Variants in MAP1A observed in about 807,000 individuals in gnomAD.
The protein encoded by MAP1A is microtubule-associated protein 1A.
Under a neutral mutation model 185.9 loss-of-function variants are expected in MAP1A, and 42 were observed. That is an observed-to-expected ratio of 0.23 (90% CI 0.18 to 0.29). The LOEUF is 0.29. Among genes scored for constraint, MAP1A ranks in the 10% least tolerant of loss-of-function variants. MAP1A has a pLI of 1.00. For missense variants in MAP1A, 2,995 were observed against 3,450.4 expected (o/e 0.87, Z 3.31); for synonymous variants, 1,229 against 1,335.9 (o/e 0.92, Z 1.74).
Position 43,529,941 on chromosome 15 carries a change from C to A in MAP1A, c.8256+71C>A. 1 of 1,561,582 alleles carries A rather than the reference C, an allele frequency of 6.4e-7. No homozygotes were observed. Among genetic ancestry groups the A allele is most frequent in the South Asian group, 1.1e-5 (1 of 88,888 alleles). On this transcript the variant is annotated intron_variant, in intron 5 of 5. Coordinates refer to ENST00000300231, the MANE Select transcript of MAP1A (RefSeq NM_002373.6). This position sits in a 1 kb window ranked among gnomAD's most constrained non-coding sequence, Gnocchi z 4.3. ...TCAGAGGCAGTAGTGGAACACAGTCCCTATTTATTAAAGGATGGGCCTTTT... is the reference window on the plus strand; with the variant it reads ...TCAGAGGCAGTAGTGGAACACAGTCACTATTTATTAAAGGATGGGCCTTTT...
rs186025709 is a variant in MAP1A, at chr15:43,524,707, C to G, written c.3234C>G (p.Asn1078Lys). 2.3e-4 allele frequency: 365 copies of G among 1,614,100 alleles called. 2 individuals carry two copies. The African/African-American group carries it at 3.7e-3, about 16-fold the overall frequency. Reference sequence around the variant, plus strand: ...CCCAGGCCCAGGAAGCACCTGTCAACATTGATGAGGGGCTTACAGGCTGTA... The same window carrying G: ...CCCAGGCCCAGGAAGCACCTGTCAAGATTGATGAGGGGCTTACAGGCTGTA... ...RSPQAQEAPV[N>K]IDEGLTGCTI... The change falls in exon 4 of 6, where the codon AAC (asparagine) becomes AAG (lysine). Residue 1078 changes from asparagine (N) to lysine (K), a missense_variant. Physicochemically the swap from Asn to Lys is moderately conservative, Grantham distance 94 (BLOSUM62 0). This residue lies in a region of MAP1A where 2,728 missense variants were observed against 2,986.0 expected (regional missense o/e 0.91). Transcript: ENST00000300231.
chr15:43,520,805 C>T, intron 2 of MAP1A, 82 bp downstream of exon 2: 11 of 1,344,202 alleles, frequency 8.2e-6, no homozygotes, highest in Non-Finnish European at 1.1e-5. Context: ...ACTATTAGGC[C>T]AAGAATTCCT....
At chr15:43,511,660 C>T (rs2079279304) in intron 1 of MAP1A, among the ~76,000 whole-genome samples, 1 of 152,224 alleles carries the variant, frequency 6.6e-6, no homozygotes, top group South Asian at 2.1e-4. Flanking sequence ...ATGCCAGTAG[C>T]CAACCACTAA....
chr15:43,512,511 T>G (rs1055292223), intron 2 of MAP1A, among the ~76,000 whole-genome samples: 2 of 152,210 alleles, frequency 1.3e-5, no homozygotes, highest in African/African-American at 4.8e-5. Flanking sequence ...TAACTTCTCC[T>G]TGAGAAGAGG....
Position 43,521,637 on chromosome 15 carries a change from T to G in MAP1A, c.164T>G (p.Val55Gly). ...GGRGDSALFA[V>G]NGFNILVDGG... ...CGTGGGGACTCTGCCCTCTTTGCTG[T>G]CAATGGTTTCAACATCCTGGTGGAT... is the stretch of plus-strand genomic sequence containing the variant. Residue 55 changes from valine to glycine, a missense_variant, in exon 4 of 6, where the codon GTC becomes GGC. Transcript: ENST00000300231. This position sits in a 1 kb window ranked among gnomAD's most constrained non-coding sequence, Gnocchi z 4.6. 1.2e-6 allele frequency: 2 copies of G among 1,614,110 alleles called. No individual in the cohort carries two copies. The highest frequency in any genetic ancestry group is 1.7e-5 in the Admixed American group (1 of 60,020).
rs148851436 is a variant in MAP1A, at chr15:43,525,606, AGGT to A, written c.4137_4139del (p.Val1380del). On this transcript the variant is annotated inframe_deletion, in exon 4 of 6. Coordinates refer to ENST00000300231, the MANE Select transcript of MAP1A (RefSeq NM_002373.6). Reference sequence around the variant, plus strand: ...AAAGACAAAACTCTGGAGCACAAGGAGGTGGTAGAGCCGAAGGATACAGCCATC... The same window carrying A: ...AAAGACAAAACTCTGGAGCACAAGGAGGTAGAGCCGAAGGATACAGCCATC... The A allele has an allele frequency of 6.5e-3, 10,527 of 1,614,230 alleles. 189 individuals carry two copies. Among genetic ancestry groups the A allele is most frequent in the East Asian group, 0.06 (2,704 of 44,886 alleles).
chr15:43,529,794 C>T lies in MAP1A; in HGVS notation c.8180C>T (p.Pro2727Leu). 2 of 1,614,142 alleles carry T rather than the reference C, an allele frequency of 1.2e-6. No individual in the cohort carries two copies. The highest frequency in any genetic ancestry group is 1.7e-6 in the Non-Finnish European group (2 of 1,180,042). Residue 2727 changes from proline to leucine, a missense_variant, in exon 5 of 6, where the codon CCT becomes CTT. Around this residue, in one of 3 missense-constraint regions of MAP1A, gnomAD observed 2,728 missense variants for 2,986.0 expected, o/e 0.91. Transcript: ENST00000300231. This position sits in a 1 kb window ranked among gnomAD's most constrained non-coding sequence, Gnocchi z 4.3. The part of the protein sequence containing the change: ...ASYYVVSGND[P>L]ANGEPSRAVL... ...TACTATGTGGTCAGTGGGAATGACC[C>T]TGCCAATGGCGAGCCAAGCCGGGCT...
chr15:43,516,054 C>G (rs928866720), upstream of MAP1A, among the ~76,000 whole-genome samples: 11 of 152,130 alleles, frequency 7.2e-5, no homozygotes, highest in Non-Finnish European at 1.3e-4. Context: ...TTAAGTTTCC[C>G]TCCTAACACA....
chr15:43,511,082 C>CAG lies in MAP1A; in HGVS notation c.96_97dup (p.Asn33ArgfsTer27). ...CCGAAGTCCCGGCGCACCGCTGGCT[C>CAG]AGAACCCCGCGGAGCTGCTGTGCGA... is the stretch of plus-strand genomic sequence containing the variant. On this transcript the variant is annotated frameshift_variant, in exon 1 of 7. Coordinates refer to the MAP1A transcript ENST00000382031. LOFTEE classifies it high-confidence loss of function. The CAG allele has an allele frequency of 1.3e-6, 2 of 1,550,082 alleles. No individual in the cohort carries two copies. Among genetic ancestry groups the CAG allele is most frequent in the Non-Finnish European group, 1.7e-6 (2 of 1,146,774 alleles).
Position 43,521,802 on chromosome 15 carries a change from A to G in MAP1A, c.329A>G (p.Glu110Gly). The change falls in exon 4 of 6, where the codon GAG becomes GGG. Residue 110 changes from glutamate (E) to glycine (G), a missense_variant. Around this residue, in one of 3 missense-constraint regions of MAP1A, gnomAD observed 264 missense variants for 435.3 expected, o/e 0.61. Coordinates refer to ENST00000300231, the MANE Select transcript of MAP1A (RefSeq NM_002373.6). This position sits in a 1 kb window ranked among gnomAD's most constrained non-coding sequence, Gnocchi z 4.6. ...GLLQRKVAEL[E>G]EEQSQGSSSY... Reference sequence around the variant, plus strand: ...CTGCAGCGCAAAGTGGCAGAGCTAGAGGAGGAGCAGTCCCAGGGCTCTAGC... The same window carrying G: ...CTGCAGCGCAAAGTGGCAGAGCTAGGGGAGGAGCAGTCCCAGGGCTCTAGC... 1 of 1,614,214 alleles carries G rather than the reference A, an allele frequency of 6.2e-7. No homozygotes were observed. Among genetic ancestry groups the G allele is most frequent in the Non-Finnish European group, 8.5e-7 (1 of 1,180,034 alleles).
At position 43,521,067 on chromosome 15, in the gene MAP1A, C is replaced by T. The variant is rs752114294; in HGVS notation, c.-196C>T. 2 of 1,550,096 alleles carry T rather than the reference C, an allele frequency of 1.3e-6. No homozygotes were observed. The highest frequency in any genetic ancestry group is 1.2e-5 in the South Asian group (1 of 84,062). Reference sequence around the variant, plus strand: ...GGGGAGACCTCATCCTACAGAGTGGCACCTACTCATATGAAAACTTTGCCC... The same window carrying T: ...GGGGAGACCTCATCCTACAGAGTGGTACCTACTCATATGAAAACTTTGCCC... On this transcript the variant is annotated 5_prime_UTR_variant, in exon 3 of 6. Transcript: ENST00000300231. The surrounding 1 kb of genome is among the most constrained non-coding windows in gnomAD (Gnocchi z 4.6).
upstream of MAP1A, among the ~76,000 whole-genome samples, chr15:43,514,886 G>A (rs1322128249): frequency 6.6e-6 from 1 of 152,172 alleles, no homozygotes; most frequent in Non-Finnish European, 1.5e-5. Flanking sequence ...GGAAATAGAA[G>A]GGGGCTTATA....
In MAP1A at chr15:43,521,437, G is replaced by A; in HGVS notation, c.-37G>A. 1 of 1,614,090 alleles carries A rather than the reference G, an allele frequency of 6.2e-7. No individual in the cohort carries two copies. Among genetic ancestry groups the A allele is most frequent in the East Asian group, 2.2e-5 (1 of 44,882 alleles). ...GATTATCCAGTTCCCAAGAGACCCT[G>A]CACCTCCGGCTAAACCCTGAGCCCA... On this transcript the variant is annotated 5_prime_UTR_variant, in exon 4 of 6. Transcript: ENST00000300231. This position sits in a 1 kb window ranked among gnomAD's most constrained non-coding sequence, Gnocchi z 4.6.
At position 43,523,395 on chromosome 15, in the gene MAP1A, G is replaced by A; in HGVS notation, c.1922G>A (p.Arg641Lys). 1 of 1,612,682 alleles carries A rather than the reference G, an allele frequency of 6.2e-7. No individual in the cohort carries two copies. Among genetic ancestry groups the A allele is most frequent in the Non-Finnish European group, 8.5e-7 (1 of 1,179,250 alleles). ...AERLPDRTEA[R>K]EESEPEVKED... Reference sequence around the variant, plus strand: ...AGGCTCCCAGACAGAACAGAAGCCAGAGAGGAAAGTGAACCTGAAGTAAAG... The same window carrying A: ...AGGCTCCCAGACAGAACAGAAGCCAAAGAGGAAAGTGAACCTGAAGTAAAG... Residue 641 changes from arginine (R) to lysine (K), a missense_variant, in exon 4 of 6, where the codon AGA (arginine) becomes AAA (lysine). Transcript: ENST00000300231.
chr15:43,530,136 A>T lies in MAP1A; in HGVS notation c.8324A>T (p.Gln2775Leu). Reference sequence around the variant, plus strand: ...TGGTACCAACAAACTCATGAGCAGCAGCAACAACTGAATGTCCTGGTCCTG... The same window carrying T: ...TGGTACCAACAAACTCATGAGCAGCTGCAACAACTGAATGTCCTGGTCCTG... The part of the protein sequence containing the change: ...REWYQQTHEQ[Q>L]QQLNVLVLAS... The change falls in exon 6 of 6, where the codon CAG becomes CTG. Residue 2775 changes from glutamine (Q) to leucine (L), a missense_variant. Coordinates refer to ENST00000300231, the MANE Select transcript of MAP1A (RefSeq NM_002373.6). The T allele has an allele frequency of 6.2e-7, 1 of 1,614,224 alleles. No individual in the cohort carries two copies. The highest frequency in any genetic ancestry group is 2.2e-5 in the East Asian group (1 of 44,884).
Position 43,524,939 on chromosome 15 carries a change from C to T in MAP1A, c.3466C>T (p.Leu1156Phe). The stretch of plus-strand genomic sequence containing the variant: ...TGAAGATGCAGAATCCCTCTCTGTC[C>T]TCAGCGTGCCCTCCCCAGACACTGC... Reference protein sequence around the residue: ...SPEDAESLSVLSVPSPDTANQ... With the variant: ...SPEDAESLSVFSVPSPDTANQ... The change falls in exon 4 of 6, where the codon CTC becomes TTC. Residue 1156 changes from leucine to phenylalanine, a missense_variant. Leu to Phe is a conservative substitution (Grantham distance 22). Coordinates refer to ENST00000300231, the MANE Select transcript of MAP1A (RefSeq NM_002373.6). 6.2e-7 allele frequency: 1 copy of T among 1,614,152 alleles called. No homozygotes were observed. The highest frequency in any genetic ancestry group is 8.5e-7 in the Non-Finnish European group (1 of 1,180,026).
Position 43,527,950 on chromosome 15 carries a change from C to T in MAP1A, c.6477C>T (p.Pro2159=). The T allele has an allele frequency of 6.2e-7, 1 of 1,614,138 alleles. No homozygotes were observed. The highest frequency in any genetic ancestry group is 8.5e-7 in the Non-Finnish European group (1 of 1,180,024). The change falls in exon 4 of 6, where the codon CCC becomes CCT. Residue 2159 remains proline, a synonymous_variant. Transcript: ENST00000300231. ...ACTCACACCTGGGGCCTGCCCGACC[C>T]AGTCTGGACTTCCCTGCTTCAGCCT... is the stretch of plus-strand genomic sequence containing the variant. ...PLDSHLGPAR[P]SLDFPASAFG... is the part of the protein sequence containing the mutation.
Position 43,530,599 on chromosome 15 carries a change from T to C in MAP1A, c.*375T>C, listed in dbSNP as rs1325757052. ...ATATCCCCAACTCCAGGGACCTCTTTATCTCAATCTATTTATTTGGCATCC... is the reference window on the plus strand; with the variant it reads ...ATATCCCCAACTCCAGGGACCTCTTCATCTCAATCTATTTATTTGGCATCC... On this transcript the variant is annotated 3_prime_UTR_variant, in exon 6 of 6. Coordinates refer to ENST00000300231, the MANE Select transcript of MAP1A (RefSeq NM_002373.6). The C allele has an allele frequency of 1.6e-5, 3 of 188,912 alleles. No homozygotes were observed. The highest frequency in any genetic ancestry group is 3.3e-5 in the Non-Finnish European group (3 of 90,206). The allele number at this position is 188,912 out of a possible 1,614,324, so 11.7% of individuals were successfully genotyped here.
Position 43,521,511 on chromosome 15 carries a change from A to C in MAP1A, c.38A>C (p.Glu13Ala). The C allele has an allele frequency of 5.0e-6, 8 of 1,614,110 alleles. No individual in the cohort carries two copies. The highest frequency in any genetic ancestry group is 6.8e-6 in the Non-Finnish European group (8 of 1,180,018). The part of the protein sequence containing the change: ...GVAEFSEYVS[E>A]TVDVPSPFDL... ...GCTGAGTTCTCCGAGTATGTCTCTG[A>C]GACTGTGGACGTGCCATCCCCATTT... is the stretch of plus-strand genomic sequence containing the variant. Residue 13 changes from glutamate to alanine, a missense_variant, in exon 4 of 6, where the codon GAG (glutamate) becomes GCG (alanine). Around this residue, in one of 3 missense-constraint regions of MAP1A, gnomAD observed 264 missense variants for 435.3 expected, o/e 0.61. Transcript: ENST00000300231. This position sits in a 1 kb window ranked among gnomAD's most constrained non-coding sequence, Gnocchi z 4.6.
Sources: allele counts gnomAD v4.1 joint callset (sites outside exome capture counted in the v4.1 genomes callset), GRCh38; gene constraint gnomAD v4.1.1; regional missense constraint gnomAD v4.1.1; non-coding constraint Gnocchi (gnomAD v3.1); transcripts MANE v1.5; gene names NCBI Gene and HGNC (gene_info 2026-07-23, HGNC 2026-07-21).